POU2F2: variants seen among roughly 807,000 people sequenced by gnomAD.
The protein encoded by POU2F2 is POU class 2 homeobox 2.
POU2F2 carries 14 observed loss-of-function variants against 63.5 expected under a neutral mutation model. The observed-to-expected ratio is 0.22, with a 90% CI of 0.15 to 0.34. The LOEUF (loss-of-function observed/expected upper bound fraction) is 0.34. Among genes scored for constraint, POU2F2 ranks in the 10% least tolerant of loss-of-function variants. The pLI, the probability that POU2F2 is intolerant of heterozygous loss-of-function variation, is 1.00. For missense variants in POU2F2, 607 were observed against 815.2 expected, an observed-to-expected ratio of 0.74 and a Z score of 3.11; for synonymous variants, 306 against 348.6, an observed-to-expected ratio of 0.88 and a Z score of 1.36.
At chr19:42,149,813 G>A (rs113697072) in intron 2 of POU2F2, among the ~76,000 whole-genome samples, 5 of 152,274 alleles carry the variant, frequency 3.3e-5, no homozygotes, top group African/African-American at 1.2e-4. Flanking sequence ...GTCCAGCAGG[G>A]TGTGTGGTGT....
intron 1 of POU2F2, among the ~76,000 whole-genome samples, chr19:42,165,098 T>C (rs1165309107): frequency 5.9e-5 from 9 of 152,256 alleles, no homozygotes; most frequent in African/African-American, 2.2e-4. Flanking sequence ...ACCATTTGTC[T>C]GTAATTGACA....
At chr19:42,121,389 C>T (rs535440318) in intron 4 of POU2F2, among the ~76,000 whole-genome samples, 3 of 152,136 alleles carry the variant, frequency 2.0e-5, no homozygotes, top group Admixed American at 6.5e-5. Context: ...CCCCCTCCCC[C>T]CTGACCAATG....
upstream of POU2F2, among the ~76,000 whole-genome samples, chr19:42,178,033 C>T (rs750898349): frequency 2.0e-5 from 3 of 151,788 alleles, no homozygotes; most frequent in South Asian, 6.3e-4. Flanking sequence ...CTCAAAGAGA[C>T]ACCCAGAGAC....
intron 1 of POU2F2, among the ~76,000 whole-genome samples, chr19:42,127,307 T>C (rs2033292038): frequency 1.3e-5 from 2 of 152,032 alleles, no homozygotes. Flanking sequence ...TCCCTCTGTC[T>C]GGAACACTGT....
At position 42,096,055 on chromosome 19, in the gene POU2F2, C is replaced by T. The variant is rs546603089; in HGVS notation, c.729+27G>A. ...CAACTGGCCACGCCCCCACGCCCAC[C>T]GCCCAGCCTGCAAGGTGCCTCCAGA... On this transcript the variant is annotated intron_variant, in intron 8 of 14. Transcript: ENST00000692977. The surrounding 1 kb of genome is among the most constrained non-coding windows in gnomAD (Gnocchi z 4.1). 7 of 1,611,578 alleles carry T rather than the reference C, an allele frequency of 4.3e-6. No individual in the cohort carries two copies. The highest frequency in any genetic ancestry group is 1.3e-5 in the African/African-American group (1 of 75,004).
chr19:42,103,627 CTTTTTTTTTTT>C (rs1001669920), intron 5 of POU2F2, among the ~76,000 whole-genome samples: 14 of 100,556 alleles, frequency 1.4e-4, no homozygotes, highest in African/African-American at 5.7e-4. Flanking sequence ...GGGCTCGTTT[CTTTTTTTTTTT>C]TTTTTTTTTT....
intron 5 of POU2F2, among the ~76,000 whole-genome samples, chr19:42,111,438 A>T (rs1405627506): frequency 2.0e-5 from 3 of 152,120 alleles, no homozygotes; most frequent in Non-Finnish European, 4.4e-5. Flanking sequence ...CCTGACAACT[A>T]ACAACTTCCA....
At chr19:42,172,267 C>T (rs1199574142) in intron 1 of POU2F2, among the ~76,000 whole-genome samples, 1 of 152,194 alleles carries the variant, frequency 6.6e-6, no homozygotes, top group African/African-American at 2.4e-5. Context: ...AGTCCAGGCG[C>T]CCAGAATCCT....
At position 42,092,705 on chromosome 19, in the gene POU2F2, T is replaced by C. The variant is rs756379169; in HGVS notation, c.1265-435A>G. Among the ~76,000 whole-genome samples the C allele has an allele frequency of 2.6e-5, 4 of 152,132 alleles. No homozygotes were observed. Among genetic ancestry groups the C allele is most frequent in the African/African-American group, 4.8e-5 (2 of 41,412 alleles). On this transcript the variant is annotated intron_variant, in intron 12 of 14. Coordinates refer to ENST00000692977, the MANE Select transcript of POU2F2 (RefSeq NM_001394376.1). This position sits in a 1 kb window ranked among gnomAD's most constrained non-coding sequence, Gnocchi z 5.0. ...GCTGGGGTAGAAACTCCTGGCTCTG[T>C]CTCATCCCAGTGGTGCCCTTGGGTG... is the stretch of plus-strand genomic sequence containing the variant.
chr19:42,184,462 T>C (rs890283578), intron 1 of POU2F2, among the ~76,000 whole-genome samples: 5 of 152,172 alleles, frequency 3.3e-5, no homozygotes, highest in Admixed American at 3.3e-4. Flanking sequence ...CTCCAAGAGT[T>C]TGTGGGCCCC....
At chr19:42,119,763 CA>C (rs1041165827) in intron 4 of POU2F2, among the ~76,000 whole-genome samples, 18 of 143,290 alleles carry the variant, frequency 1.3e-4, no homozygotes, top group South Asian at 2.2e-4. Context: ...GACTCCGTCT[CA>C]AAAAAAAAAA....
intron 5 of POU2F2, among the ~76,000 whole-genome samples, chr19:42,111,443 C>A (rs547793473): frequency 6.6e-6 from 1 of 152,174 alleles, no homozygotes; most frequent in Non-Finnish European, 1.5e-5. Context: ...CAACTAACAA[C>A]TTCCAGCTCC....
In POU2F2 at chr19:42,091,850, C is replaced by T. The variant is rs371886208; in HGVS notation, c.1540+17G>A. The stretch of plus-strand genomic sequence containing the variant: ...ATAGGGCTGGTGACGATGGGTGTGA[C>T]ATGAGGCAGCACGCACCTTGGATAG... On this transcript the variant is annotated intron_variant, in intron 14 of 14. Transcript: ENST00000692977. 147 of 1,538,980 alleles carry T rather than the reference C, an allele frequency of 9.6e-5. 1 individual carries two copies. In the East Asian group the frequency reaches 2.8e-3, roughly 29 times the overall value.
In POU2F2 at chr19:42,088,316, C is replaced by A. The variant is rs1183800170; in HGVS notation, c.*2941G>T. On this transcript the variant is annotated 3_prime_UTR_variant, in exon 15 of 15. Coordinates refer to ENST00000692977, the MANE Select transcript of POU2F2 (RefSeq NM_001394376.1). ...GTTGGATGGGGAGGGTCCCCAGCAC[C>A]CCCGGCTGCACAGGGGTCCCTCCAC... 6.6e-6 allele frequency: 1 copy of A among 152,110 alleles called. No homozygotes were observed. The highest frequency in any genetic ancestry group is 1.5e-5 in the Non-Finnish European group (1 of 68,030). The allele number at this position is 152,110 out of a possible 1,614,324, so 9.4% of individuals were successfully genotyped here.
intron 5 of POU2F2, among the ~76,000 whole-genome samples, chr19:42,108,378 C>G (rs1317213565): frequency 6.6e-6 from 1 of 152,092 alleles, no homozygotes; most frequent in Non-Finnish European, 1.5e-5. Context: ...ATTGCTTGAG[C>G]CCAGGAGTTC....
At chr19:42,136,474 A>G (rs2034014868), upstream of POU2F2, among the ~76,000 whole-genome samples, 1 of 152,164 alleles carries the variant, frequency 6.6e-6, no homozygotes, top group African/African-American at 2.4e-5. Context: ...GTCGTGAGCC[A>G]CTGTGCCTGG....
At chr19:42,159,868 A>C (rs1006716023) in intron 2 of POU2F2, among the ~76,000 whole-genome samples, 7 of 152,204 alleles carry the variant, frequency 4.6e-5, no homozygotes, top group Admixed American at 4.6e-4. Flanking sequence ...CATGCCCAGG[A>C]TCACTCAGCC....
At chr19:42,098,192 C>A (rs914057298) in intron 7 of POU2F2, among the ~76,000 whole-genome samples, 1 of 152,150 alleles carries the variant, frequency 6.6e-6, no homozygotes, top group Non-Finnish European at 1.5e-5. Flanking sequence ...GCAGGTGGAT[C>A]ACCTGAAGTC....
At chr19:42,138,082 G>A (rs2034054454) in intron 2 of POU2F2, among the ~76,000 whole-genome samples, 1 of 152,192 alleles carries the variant, frequency 6.6e-6, no homozygotes, top group South Asian at 2.1e-4. Context: ...TTTCAAGCAG[G>A]GGAGTGGCAT....
Sources: allele counts gnomAD v4.1 joint callset (sites outside exome capture counted in the v4.1 genomes callset), GRCh38; gene constraint gnomAD v4.1.1; non-coding constraint Gnocchi (gnomAD v3.1); transcripts MANE v1.5; gene names NCBI Gene and HGNC (gene_info 2026-07-23, HGNC 2026-07-21).